The following RPS6KA5 variants were observed in gnomAD, a reference collection of about 807,000 sequenced individuals.
The protein encoded by RPS6KA5 is ribosomal protein S6 kinase A5.
In RPS6KA5, 27 loss-of-function variants were observed where a neutral mutation model predicts 85.5. The observed-to-expected ratio is 0.32, with a 90% confidence interval of 0.23 to 0.44. The LOEUF (loss-of-function observed/expected upper bound fraction) is 0.44. Among genes scored for constraint, RPS6KA5 ranks in the 20% least tolerant of loss-of-function variants. The pLI is 1.00. For missense variants in RPS6KA5, 811 were observed against 980.9 expected, an observed-to-expected ratio of 0.83 and a Z score of 2.31; for synonymous variants, 334 against 348.2, an observed-to-expected ratio of 0.96 and a Z score of 0.46.
intron 3 of RPS6KA5, among the ~76,000 whole-genome samples, chr14:90,966,562 G>A (rs960951393): frequency 2.3e-4 from 35 of 152,086 alleles, no homozygotes; most frequent in Admixed American, 1.8e-3. Context: ...GTGTACCAAC[G>A]GAGTCATACC....
At position 90,848,173 on chromosome 14, in the gene RPS6KA5, T is replaced by C. The variant is rs1209847353; in HGVS notation, c.*23901A>G. On this transcript the variant is annotated 3_prime_UTR_variant, in exon 17 of 17. Transcript: ENST00000614987. ...TATAACTGTTAAAGACAAGTAGCTA[T>C]AGAATTCTGAAAATTCTCAATAAAT... 1.3e-5 allele frequency: 2 copies of C among 152,236 alleles called. No homozygotes were observed. The highest frequency in any genetic ancestry group is 2.1e-4 in the South Asian group (1 of 4,834). 9.4% of individuals were successfully genotyped at this position (152,236 alleles called of 1,614,324 possible). A position where few individuals can be genotyped will look rare whatever the true frequency, so the allele number is the denominator to read the frequency against.
intron 1 of RPS6KA5, among the ~76,000 whole-genome samples, chr14:91,044,867 C>CA (rs748430714): frequency 0.016 from 1,139 of 70,096 alleles, 6 homozygotes; most frequent in African/African-American, 0.031. Context: ...CGAGACGTGT[C>CA]AAAAAAAAAA....
At chr14:90,935,859 T>A (rs1420533284) in intron 5 of RPS6KA5, among the ~76,000 whole-genome samples, 1 of 152,238 alleles carries the variant, frequency 6.6e-6, no homozygotes, top group Admixed American at 6.5e-5. Flanking sequence ...ACAGAATGCA[T>A]ATACCATATT....
intron 1 of RPS6KA5, among the ~76,000 whole-genome samples, chr14:91,049,229 A>C (rs2042976211): frequency 6.6e-6 from 1 of 152,232 alleles, no homozygotes; most frequent in African/African-American, 2.4e-5. Flanking sequence ...TTAATAATCT[A>C]TTCGTATTTT....
chr14:90,925,884 G>A lies in RPS6KA5; in HGVS notation c.619-2688C>T, dbSNP rs144016052. 3.6e-5 allele frequency among the ~76,000 whole-genome samples: 5 copies of A among 140,008 alleles called. No homozygotes were observed. The East Asian group carries it at 1.1e-3, about 30-fold the overall frequency. The allele number at this position is 140,008 out of a possible 152,430, so 91.9% of individuals were successfully genotyped here. ...CTGAGAGCAGGAGATCGAGGCTGCA[G>A]TGAGCCATGATCGCACCACTGCACT... On this transcript the variant is annotated intron_variant, in intron 5 of 16. Transcript: ENST00000614987.
chr14:90,894,347 C>T, intron 13 of RPS6KA5, 66 bp downstream of exon 13: 2 of 1,411,404 alleles, frequency 1.4e-6, no homozygotes, highest in South Asian at 2.0e-5. Context: ...AAACTTCCCC[C>T]ATGTTTGGGA....
chr14:90,987,385 T>C (rs1176451131), intron 2 of RPS6KA5, among the ~76,000 whole-genome samples: 1 of 152,202 alleles, frequency 6.6e-6, no homozygotes, highest in Non-Finnish European at 1.5e-5. Context: ...TAGCAATGTC[T>C]TTAAGTTGCC....
chr14:90,925,941 C>CAAAAAA (rs71117389), intron 5 of RPS6KA5, among the ~76,000 whole-genome samples: 59 of 73,480 alleles, frequency 8.0e-4, no homozygotes, highest in African/African-American at 1.2e-3. Context: ...GACCCTGACT[C>CAAAAAA]AAAAAAAAAA....
chr14:91,023,104 A>T (rs8018102), intron 1 of RPS6KA5, among the ~76,000 whole-genome samples: 2 of 137,560 alleles, frequency 1.5e-5, no homozygotes, highest in African/African-American at 5.3e-5. Context: ...AAAAAAAAAG[A>T]TTTGTGTACT....
At chr14:91,043,231 C>A (rs1262108525) in intron 1 of RPS6KA5, among the ~76,000 whole-genome samples, 1 of 152,164 alleles carries the variant, frequency 6.6e-6, no homozygotes, top group Non-Finnish European at 1.5e-5. Context: ...TCTATCGATT[C>A]CTTTAATTTT....
chr14:91,000,495 T>A (rs552948175), intron 2 of RPS6KA5, among the ~76,000 whole-genome samples: 5 of 152,172 alleles, frequency 3.3e-5, no homozygotes, highest in African/African-American at 1.2e-4. Context: ...TGTTAGTGAT[T>A]TTTTAAAATA....
At chr14:90,899,483 GCC>G in intron 11 of RPS6KA5, 61 bp from the exon 12 acceptor site, 1 of 1,068,954 alleles carries the variant, frequency 9.4e-7, no homozygotes, top group Middle Eastern at 2.0e-4. Flanking sequence ...TATCAGTACT[GCC>G]CCAAGACTAA....
intron 1 of RPS6KA5, among the ~76,000 whole-genome samples, chr14:91,047,061 A>G (rs541181261): frequency 2.4e-4 from 36 of 151,292 alleles, no homozygotes; most frequent in Non-Finnish European, 3.9e-4. Context: ...AAAAAAAAAA[A>G]AAGAAGAAGA....
chr14:90,874,967 T>A (rs1299442415), intron 15 of RPS6KA5, among the ~76,000 whole-genome samples: 2 of 152,174 alleles, frequency 1.3e-5, no homozygotes, highest in Admixed American at 1.3e-4. Context: ...GTTTTAGATG[T>A]GCTTGACTGA....
rs1209043838 is a variant in RPS6KA5, at chr14:90,851,770, A to C, written c.*20304T>G. Reference sequence around the variant, plus strand: ...TTCTCTTTAGATACTGGTAGATATCATTAGTAAAAACTGAATGGTTTTTAC... The same window carrying C: ...TTCTCTTTAGATACTGGTAGATATCCTTAGTAAAAACTGAATGGTTTTTAC... On this transcript the variant is annotated 3_prime_UTR_variant, in exon 17 of 17. Coordinates refer to ENST00000614987, the MANE Select transcript of RPS6KA5 (RefSeq NM_004755.4). The C allele has an allele frequency of 6.6e-6, 1 of 152,244 alleles. No homozygotes were observed. The highest frequency in any genetic ancestry group is 1.9e-4 in the East Asian group (1 of 5,202). 9.4% of individuals were successfully genotyped at this position (152,244 alleles called of 1,614,324 possible).
chr14:90,996,279 C>A (rs1008180576), intron 2 of RPS6KA5, among the ~76,000 whole-genome samples: 1 of 151,766 alleles, frequency 6.6e-6, no homozygotes, highest in Non-Finnish European at 1.5e-5. Flanking sequence ...TCAACTGATC[C>A]TCCCACCTCA....
intron 1 of RPS6KA5, among the ~76,000 whole-genome samples, chr14:91,014,821 T>G (rs2041415490): frequency 6.6e-6 from 1 of 152,160 alleles, no homozygotes. Flanking sequence ...TTTAATAATG[T>G]GATTTAATAG....
At position 90,859,170 on chromosome 14, in the gene RPS6KA5, T is replaced by C. The variant is rs1260938301; in HGVS notation, c.*12904A>G. 1 of 152,162 alleles carries C rather than the reference T, an allele frequency of 6.6e-6. No homozygotes were observed. The highest frequency in any genetic ancestry group is 6.5e-5 in the Admixed American group (1 of 15,272). 9.4% of individuals were successfully genotyped at this position (152,162 alleles called of 1,614,324 possible). ...GCTAGGAGTAAGAGCAAAACTGAAA[T>C]GTACAAGCCCAACAAAGTCTAAAAC... On this transcript the variant is annotated 3_prime_UTR_variant, in exon 17 of 17. Coordinates refer to ENST00000614987, the MANE Select transcript of RPS6KA5 (RefSeq NM_004755.4).
chr14:90,947,464 T>C lies in RPS6KA5; in HGVS notation c.481A>G (p.Ile161Val). 6.2e-7 allele frequency: 1 copy of C among 1,610,770 alleles called. No individual in the cohort carries two copies. The highest frequency in any genetic ancestry group is 8.5e-7 in the Non-Finnish European group (1 of 1,177,104). ...EHEVQIYVGEIVLALEHLHKL... is the reference protein window; with the variant it reads ...EHEVQIYVGEVVLALEHLHKL... Reference sequence around the variant, plus strand: ...TGGAGATGTTCGAGGGCAAGCACAATCTCTCCAACATAAATCTGCACCTCA... The same window carrying C: ...TGGAGATGTTCGAGGGCAAGCACAACCTCTCCAACATAAATCTGCACCTCA... Residue 161 changes from isoleucine to valine, a missense_variant, in exon 4 of 17, where the codon ATT becomes GTT. This residue lies in a region of RPS6KA5 where 650 missense variants were observed against 793.4 expected (regional missense o/e 0.82). Transcript: ENST00000614987.
Sources: gnomAD v4.1 joint callset for allele counts (sites outside exome capture counted in the v4.1 genomes callset) on GRCh38, gnomAD v4.1.1 for gene constraint, gnomAD v4.1.1 regional missense constraint, MANE v1.5 for transcripts, NCBI Gene and HGNC (gene_info 2026-07-23, HGNC 2026-07-21) for gene names.